The following DEUP1 variants were observed in gnomAD, a reference collection of about 807,000 sequenced individuals.
DEUP1 encodes deuterosome assembly protein 1.
In DEUP1, 82 loss-of-function variants were observed where a neutral mutation model predicts 87.4. The observed-to-expected ratio is 0.94, with a 90% CI of 0.78 to 1.13. The LOEUF (loss-of-function observed/expected upper bound fraction) is 1.13, where lower values mean the gene tolerates loss of function less well. DEUP1 is among the 50% of genes most tolerant of loss of function. DEUP1 has a pLI of 0.00. For missense variants in DEUP1, 663 were observed against 681.5 expected (o/e 0.97, Z 0.30); for synonymous variants, 214 against 222.7 (o/e 0.96, Z 0.35).
At chr11:93,373,625 G>GTGTGTATATATATATA (rs796309948) in intron 7 of DEUP1, among the ~76,000 whole-genome samples, 19 of 67,004 alleles carry the variant, frequency 2.8e-4, no homozygotes, top group African/African-American at 7.3e-4. Context: ...ATATATATAC[G>GTGTGTATATATATATA]TATATATATA....
intron 2 of DEUP1, among the ~76,000 whole-genome samples, chr11:93,335,592 G>A (rs914692681): frequency 6.6e-6 from 1 of 152,042 alleles, no homozygotes; most frequent in Non-Finnish European, 1.5e-5. Flanking sequence ...ATGTGTCAAG[G>A]TTTATGCGTA....
intron 7 of DEUP1, among the ~76,000 whole-genome samples, chr11:93,376,225 T>C (rs1325560422): frequency 6.6e-6 from 1 of 152,210 alleles, no homozygotes; most frequent in Non-Finnish European, 1.5e-5. Flanking sequence ...ATTACAGGCA[T>C]GAGCCACTGC....
chr11:93,383,191 T>A (rs1434179125), intron 7 of DEUP1, among the ~76,000 whole-genome samples: 1 of 152,208 alleles, frequency 6.6e-6, no homozygotes, highest in Non-Finnish European at 1.5e-5. Flanking sequence ...TTATTCATAA[T>A]AATCAAAAAG....
At position 93,394,640 on chromosome 11, in the gene DEUP1, T is replaced by C. The variant is rs1390003741; in HGVS notation, c.1223T>C (p.Met408Thr). The C allele has an allele frequency of 1.2e-6, 2 of 1,610,504 alleles. No homozygotes were observed. The highest frequency in any genetic ancestry group is 1.3e-5 in the African/African-American group (1 of 74,560). Residue 408 changes from methionine to threonine, a missense_variant, in exon 10 of 14, where the codon ATG becomes ACG. Transcript: ENST00000298050. Reference sequence around the variant, plus strand: ...ATGGAATTAGAAATAAAAGAAAAAATGTTAGCAAAACAAAAGGTATGCAAG... The same window carrying C: ...ATGGAATTAGAAATAAAAGAAAAAACGTTAGCAAAACAAAAGGTATGCAAG... ...LKMELEIKEK[M>T]LAKQKVSDMK...
rs1366684230 is a variant in DEUP1, at chr11:93,421,035, C to T, written c.1638+5921C>T. ...GGTCTACAGCTCCCAGCGTGAGCGACGCAGAAGACGGTGATTTCTGCATTT... is the reference window on the plus strand; with the variant it reads ...GGTCTACAGCTCCCAGCGTGAGCGATGCAGAAGACGGTGATTTCTGCATTT... On this transcript the variant is annotated intron_variant, in intron 13 of 13. Coordinates refer to ENST00000298050, the MANE Select transcript of DEUP1 (RefSeq NM_181645.4). Among the ~76,000 whole-genome samples the T allele has an allele frequency of 5.7e-5, 2 of 35,082 alleles. 1 individual carries two copies. The highest frequency in any genetic ancestry group is 1.0e-4 in the Non-Finnish European group (2 of 19,122). 23.0% of individuals were successfully genotyped at this position (35,082 alleles called of 152,430 possible).
intron 2 of DEUP1, among the ~76,000 whole-genome samples, chr11:93,354,897 A>G (rs1591119050): frequency 6.6e-6 from 1 of 152,172 alleles, no homozygotes; most frequent in South Asian, 2.1e-4. Flanking sequence ...GACACCAGCC[A>G]TATCATGCCA....
chr11:93,435,190 C>G (rs1464785897), intron 13 of DEUP1, among the ~76,000 whole-genome samples: 1 of 152,124 alleles, frequency 6.6e-6, no homozygotes, highest in Non-Finnish European at 1.5e-5. Flanking sequence ...TTCCAAGGTG[C>G]TAGGGACCTA....
intron 7 of DEUP1, among the ~76,000 whole-genome samples, chr11:93,381,231 A>T (rs555108559): frequency 6.6e-6 from 1 of 152,200 alleles, no homozygotes; most frequent in Admixed American, 6.5e-5. Flanking sequence ...AACTAAACAG[A>T]TGGGCTTTAA....
At chr11:93,368,674 C>T (rs3019232) in intron 5 of DEUP1, among the ~76,000 whole-genome samples, 81,547 of 152,044 alleles carry the variant, frequency 0.54, 22,248 homozygotes, top group Admixed American at 0.65. Context: ...CAGTGGCTCA[C>T]GCCTGTAATC....
At chr11:93,375,804 G>C (rs1219191091) in intron 7 of DEUP1, among the ~76,000 whole-genome samples, 1 of 152,146 alleles carries the variant, frequency 6.6e-6, no homozygotes, top group Non-Finnish European at 1.5e-5. Context: ...TTCACAGAAT[G>C]ATTGAAGGTA....
intron 2 of DEUP1, among the ~76,000 whole-genome samples, chr11:93,342,373 TGGGA>T (rs1329463454): frequency 8.5e-5 from 13 of 152,166 alleles, no homozygotes; most frequent in Non-Finnish European, 1.9e-4. Context: ...AAGTTGCTCC[TGGGA>T]GGGTTAATTC....
At chr11:93,340,960 G>C (rs552683901) in intron 2 of DEUP1, among the ~76,000 whole-genome samples, 5 of 152,338 alleles carry the variant, frequency 3.3e-5, no homozygotes, top group Non-Finnish European at 5.9e-5. Flanking sequence ...ATTGTTTCAA[G>C]ATAGCTGAAC....
intron 10 of DEUP1, among the ~76,000 whole-genome samples, chr11:93,396,020 T>A (rs1946932456): frequency 6.6e-6 from 1 of 152,190 alleles, no homozygotes; most frequent in Admixed American, 6.5e-5. Context: ...TTATTGAAAG[T>A]ATATGCTTGT....
At chr11:93,367,565 T>G (rs1037235664) in intron 5 of DEUP1, among the ~76,000 whole-genome samples, 1 of 152,172 alleles carries the variant, frequency 6.6e-6, no homozygotes, top group Non-Finnish European at 1.5e-5. Flanking sequence ...GTAAAATTAT[T>G]TGTTTGTGTG....
At chr11:93,333,630 A>G (rs1409154935) in intron 2 of DEUP1, among the ~76,000 whole-genome samples, 1 of 152,242 alleles carries the variant, frequency 6.6e-6, no homozygotes, top group Non-Finnish European at 1.5e-5. Context: ...AAGAATGGAT[A>G]TTGCTGAAAA....
chr11:93,401,450 A>T (rs1404584880), intron 11 of DEUP1, among the ~76,000 whole-genome samples: 1 of 152,104 alleles, frequency 6.6e-6, no homozygotes, highest in African/African-American at 2.4e-5. Flanking sequence ...ACTATTCTAA[A>T]ATTTATATGC....
chr11:93,349,796 AC>A (rs943604386), intron 2 of DEUP1, among the ~76,000 whole-genome samples: 1 of 152,218 alleles, frequency 6.6e-6, no homozygotes, highest in Non-Finnish European at 1.5e-5. Context: ...AATAAAGACC[AC>A]CCAAATGAAA....
At chr11:93,387,050 G>T (rs79133624) in intron 8 of DEUP1, among the ~76,000 whole-genome samples, 2 of 151,880 alleles carry the variant, frequency 1.3e-5, no homozygotes, top group African/African-American at 4.8e-5. Context: ...TTTTTGTTCT[G>T]CCTGTTTACC....
chr11:93,336,606 G>A (rs560280845), intron 2 of DEUP1, among the ~76,000 whole-genome samples: 5 of 135,628 alleles, frequency 3.7e-5, no homozygotes, highest in Admixed American at 3.7e-4. Flanking sequence ...GACTTACATT[G>A]TTGACCTTAA....
Sources: allele counts gnomAD v4.1 joint callset (sites outside exome capture counted in the v4.1 genomes callset), GRCh38; gene constraint gnomAD v4.1.1; transcripts MANE v1.5; gene names NCBI Gene and HGNC (gene_info 2026-07-23, HGNC 2026-07-21).